The following ZNF804B variants were observed in gnomAD, a reference collection of about 807,000 sequenced individuals.
ZNF804B encodes the protein zinc finger 804B.
Under a neutral mutation model 101.4 loss-of-function variants are expected in ZNF804B, and 80 were observed. The observed-to-expected ratio is 0.79, with a 90% confidence interval of 0.66 to 0.95. ZNF804B has a LOEUF of 0.95. Among genes scored for constraint, ZNF804B ranks in the 40% least tolerant of loss-of-function variants. The pLI is 0.00. For missense variants in ZNF804B, 1,673 were observed against 1,561.9 expected, an observed-to-expected ratio of 1.07 and a Z score of -1.20; for synonymous variants, 622 against 558.8, an observed-to-expected ratio of 1.11 and a Z score of -1.59.
intron 1 of ZNF804B, among the ~76,000 whole-genome samples, chr7:89,005,157 A>G (rs1788354206): frequency 6.6e-6 from 1 of 152,048 alleles, no homozygotes; most frequent in Admixed American, 6.6e-5. Context: ...TTCCAAAGCT[A>G]AACATTTATT....
chr7:89,243,758 T>G (rs1789405641), intron 2 of ZNF804B, among the ~76,000 whole-genome samples: 1 of 137,642 alleles, frequency 7.3e-6, no homozygotes, highest in Non-Finnish European at 1.5e-5. Flanking sequence ...TTTTGTTTTG[T>G]TTTTTTTTAT....
chr7:89,320,296 A>G (rs1790799513), intron 2 of ZNF804B, among the ~76,000 whole-genome samples: 1 of 152,170 alleles, frequency 6.6e-6, no homozygotes, highest in South Asian at 2.1e-4. Context: ...AAGTAATGAT[A>G]TACAACAAAA....
intron 1 of ZNF804B, among the ~76,000 whole-genome samples, chr7:88,917,115 A>G (rs1485425449): frequency 1.3e-5 from 2 of 152,036 alleles, no homozygotes; most frequent in Non-Finnish European, 1.5e-5. Context: ...AAATACAAAA[A>G]TTAGCCGGAT....
At chr7:89,129,354 A>C (rs1790513665) in intron 1 of ZNF804B, among the ~76,000 whole-genome samples, 1 of 152,044 alleles carries the variant, frequency 6.6e-6, no homozygotes, top group South Asian at 2.1e-4. Context: ...TAAGTCCAAA[A>C]TTAAAATCAA....
At chr7:89,175,634 C>T (rs981082967) in intron 1 of ZNF804B, among the ~76,000 whole-genome samples, 14 of 151,958 alleles carry the variant, frequency 9.2e-5, no homozygotes, top group Non-Finnish European at 1.6e-4. Context: ...GGCAGGGATG[C>T]ATTCAATGTG....
intron 1 of ZNF804B, among the ~76,000 whole-genome samples, chr7:88,896,295 G>A (rs1035698462): frequency 6.6e-6 from 1 of 152,160 alleles, no homozygotes; most frequent in Non-Finnish European, 1.5e-5. Flanking sequence ...TAAGATGCCA[G>A]TAATATGGAA....
intron 1 of ZNF804B, among the ~76,000 whole-genome samples, chr7:89,009,669 C>T (rs1788423778): frequency 6.6e-6 from 1 of 152,030 alleles, no homozygotes; most frequent in African/African-American, 2.4e-5. Flanking sequence ...TCAAAGAGAT[C>T]CCTAATCTCT....
At chr7:88,780,100 T>C (rs1290741285) in intron 1 of ZNF804B, among the ~76,000 whole-genome samples, 1 of 152,072 alleles carries the variant, frequency 6.6e-6, no homozygotes, top group African/African-American at 2.4e-5. Flanking sequence ...ATCAGAGAAA[T>C]GCAAATCAAA....
chr7:88,969,310 G>A (rs939975069), intron 1 of ZNF804B, among the ~76,000 whole-genome samples: 35 of 151,528 alleles, frequency 2.3e-4, no homozygotes, highest in South Asian at 6.2e-4. Flanking sequence ...GTTCAATTGC[G>A]TTTTATAAAA....
intron 1 of ZNF804B, among the ~76,000 whole-genome samples, chr7:89,054,829 C>T (rs938451952): frequency 2.0e-5 from 3 of 151,966 alleles, no homozygotes; most frequent in Non-Finnish European, 2.9e-5. Context: ...ACTTTTTCCC[C>T]TTCCTCCCTG....
chr7:89,114,626 G>A (rs1790280709), intron 1 of ZNF804B, among the ~76,000 whole-genome samples: 2 of 152,118 alleles, frequency 1.3e-5, no homozygotes, highest in Admixed American at 6.6e-5. Context: ...TTCACTCATA[G>A]AGAATTTAAT....
At chr7:89,077,900 T>G (rs1309829304) in intron 1 of ZNF804B, among the ~76,000 whole-genome samples, 1 of 152,130 alleles carries the variant, frequency 6.6e-6, no homozygotes, top group Non-Finnish European at 1.5e-5. Flanking sequence ...GTTTTTATCA[T>G]ATGACCTCTA....
chr7:89,052,627 A>G (rs911738061), intron 1 of ZNF804B, among the ~76,000 whole-genome samples: 1 of 152,144 alleles, frequency 6.6e-6, no homozygotes, highest in African/African-American at 2.4e-5. Context: ...TGAATGGCAT[A>G]TAGTTTCTGA....
At chr7:89,208,887 G>A (rs911169093) in intron 1 of ZNF804B, among the ~76,000 whole-genome samples, 15 of 152,132 alleles carry the variant, frequency 9.9e-5, no homozygotes, top group Non-Finnish European at 2.1e-4. Flanking sequence ...TGGCAGGCCC[G>A]TGTAGTACCA....
At chr7:89,103,902 A>T (rs1199541690) in intron 1 of ZNF804B, among the ~76,000 whole-genome samples, 1 of 151,724 alleles carries the variant, frequency 6.6e-6, no homozygotes, top group Admixed American at 6.6e-5. Flanking sequence ...GAGGTGTTTT[A>T]TGTACAGCTA....
intron 1 of ZNF804B, among the ~76,000 whole-genome samples, chr7:89,041,715 T>C (rs1789020343): frequency 6.6e-6 from 1 of 152,150 alleles, no homozygotes; most frequent in African/African-American, 2.4e-5. Context: ...CACAACTCTT[T>C]TCACACTGTG....
chr7:89,081,540 T>C (rs1789698000), intron 1 of ZNF804B, among the ~76,000 whole-genome samples: 1 of 151,824 alleles, frequency 6.6e-6, no homozygotes, highest in South Asian at 2.1e-4. Context: ...ATGGCACATA[T>C]AACTCAATCA....
At chr7:89,138,276 A>C (rs1790666600) in intron 1 of ZNF804B, among the ~76,000 whole-genome samples, 1 of 152,158 alleles carries the variant, frequency 6.6e-6, no homozygotes, top group East Asian at 1.9e-4. Flanking sequence ...TGTCCTCCAG[A>C]CCTCAGAATG....
chr7:89,284,152 T>C (rs1219298547), intron 2 of ZNF804B, among the ~76,000 whole-genome samples: 1 of 152,210 alleles, frequency 6.6e-6, no homozygotes, highest in Non-Finnish European at 1.5e-5. Flanking sequence ...AAAGTGACCG[T>C]AGTACATACT....
Sources: gnomAD v4.1 joint callset for allele counts (sites outside exome capture counted in the v4.1 genomes callset) on GRCh38, gnomAD v4.1.1 for gene constraint, MANE v1.5 for transcripts, NCBI Gene and HGNC (gene_info 2026-07-23, HGNC 2026-07-21) for gene names.